The following ASCC1 variants were observed in gnomAD, a reference collection of about 807,000 sequenced individuals.
ASCC1 encodes the protein ASC-1 complex subunit P50.
In ASCC1, 35 loss-of-function variants were observed where a neutral mutation model predicts 46.6. The observed-to-expected ratio is 0.75, with a 90% confidence interval of 0.57 to 0.99. The LOEUF (loss-of-function observed/expected upper bound fraction) is 0.99. Among genes scored for constraint, ASCC1 ranks in the 50% least tolerant of loss-of-function variants. The probability of loss-of-function intolerance (pLI) is 0.00; values close to 1 mark genes in which losing one functional copy is unlikely to be tolerated. For synonymous variants in ASCC1, 143 were observed against 146.6 expected (o/e 0.98, Z 0.18); for missense variants, 376 against 428.7 (o/e 0.88, Z 1.09).
chr10:72,175,786 C>T (rs890526281), intron 5 of ASCC1, among the ~76,000 whole-genome samples: 2 of 152,186 alleles, frequency 1.3e-5, no homozygotes, highest in African/African-American at 4.8e-5. Context: ...CTAAAAACTT[C>T]ACTATTCCTC....
At chr10:72,166,195 G>A (rs944373899) in intron 5 of ASCC1, among the ~76,000 whole-genome samples, 1 of 152,074 alleles carries the variant, frequency 6.6e-6, no homozygotes, top group South Asian at 2.1e-4. Context: ...ACCACCCAGA[G>A]GCAAGTCCTT....
intron 5 of ASCC1, among the ~76,000 whole-genome samples, chr10:72,180,096 G>A (rs1302451687): frequency 6.6e-6 from 1 of 152,030 alleles, no homozygotes; most frequent in African/African-American, 2.4e-5. Flanking sequence ...GGCCAACATG[G>A]TGAAACCCCA....
intron 5 of ASCC1, among the ~76,000 whole-genome samples, chr10:72,192,399 G>C (rs1854654499): frequency 6.7e-6 from 1 of 149,822 alleles, no homozygotes; most frequent in Non-Finnish European, 1.5e-5. Context: ...AGGTTGCAGT[G>C]AGCCAAGATC....
At chr10:72,138,006 A>C (rs926517698) in intron 7 of ASCC1, among the ~76,000 whole-genome samples, 24 of 152,118 alleles carry the variant, frequency 1.6e-4, no homozygotes, top group African/African-American at 5.1e-4. Context: ...CTGGGATTAC[A>C]GGCGTGTGCC....
chr10:72,123,388 A>G (rs932777043), intron 9 of ASCC1, among the ~76,000 whole-genome samples: 1 of 152,086 alleles, frequency 6.6e-6, no homozygotes, highest in Non-Finnish European at 1.5e-5. Flanking sequence ...TGAAAAGAGG[A>G]ACTCAATAGA....
At chr10:72,131,751 C>T (rs1372328396) in intron 8 of ASCC1, among the ~76,000 whole-genome samples, 1 of 151,910 alleles carries the variant, frequency 6.6e-6, no homozygotes, top group African/African-American at 2.4e-5. Context: ...ATCTTTGGTA[C>T]ATATCTGAGA....
chr10:72,149,689 T>C (rs954324496), intron 7 of ASCC1, among the ~76,000 whole-genome samples: 3 of 152,186 alleles, frequency 2.0e-5, no homozygotes, highest in African/African-American at 4.8e-5. Flanking sequence ...ACCCTATACA[T>C]AGTACATTGT....
At chr10:72,134,916 A>T (rs1451577241) in intron 7 of ASCC1, among the ~76,000 whole-genome samples, 2 of 152,238 alleles carry the variant, frequency 1.3e-5, no homozygotes, top group Non-Finnish European at 2.9e-5. Context: ...CCTCTATCAG[A>T]GCAGTTTTGC....
intron 5 of ASCC1, chr10:72,190,561 CCACCATTAT>C (rs1854269495): frequency 7.1e-7 from 1 of 1,403,628 alleles, no homozygotes; most frequent in African/African-American, 1.4e-5. Flanking sequence ...CTCTCCAGCT[CCACCATTAT>C]CGCTAATATA....
intron 5 of ASCC1, among the ~76,000 whole-genome samples, chr10:72,192,390 G>C (rs961492546): frequency 6.6e-6 from 1 of 151,594 alleles, no homozygotes; most frequent in African/African-American, 2.4e-5. Flanking sequence ...AGGAGGCGAA[G>C]GTTGCAGTGA....
chr10:72,129,485 T>C (rs1367605371), intron 8 of ASCC1, among the ~76,000 whole-genome samples: 1 of 151,484 alleles, frequency 6.6e-6, no homozygotes, highest in African/African-American at 2.4e-5. Context: ...ACCTGGGCAA[T>C]ATAGTGAGAC....
intron 5 of ASCC1, among the ~76,000 whole-genome samples, chr10:72,195,139 G>GTTTTTTTTTTTTTTTTTTTTTTTT (rs142672810): frequency 1.6e-5 from 1 of 61,020 alleles, no homozygotes; most frequent in Non-Finnish European, 2.9e-5. Flanking sequence ...TTTTTGCTGT[G>GTTTTTTTTTTTTTTTTTTTTTTTT]TTTTTTTTTT....
chr10:72,176,240 G>A (rs188661925), intron 5 of ASCC1, among the ~76,000 whole-genome samples: 11 of 152,134 alleles, frequency 7.2e-5, no homozygotes, highest in Non-Finnish European at 1.6e-4. Flanking sequence ...ACCTGCCTTG[G>A]TGCCCAACTC....
chr10:72,175,889 G>A (rs943321892), intron 5 of ASCC1, among the ~76,000 whole-genome samples: 2 of 152,160 alleles, frequency 1.3e-5, no homozygotes, highest in Non-Finnish European at 2.9e-5. Context: ...GTTTCTGATG[G>A]GTTAACAGCG....
intron 5 of ASCC1, among the ~76,000 whole-genome samples, chr10:72,172,791 T>C (rs1851321780): frequency 7.4e-6 from 1 of 135,912 alleles, no homozygotes; most frequent in African/African-American, 2.7e-5. Flanking sequence ...TATTATATAT[T>C]ATATATTATA....
intron 5 of ASCC1, among the ~76,000 whole-genome samples, chr10:72,189,244 CAA>C (rs759800868): frequency 6.1e-5 from 8 of 131,394 alleles, no homozygotes; most frequent in Non-Finnish European, 4.9e-5. Context: ...ACTAAAAATA[CAA>C]AAAAAAAAAA....
At chr10:72,133,414 C>T (rs1350620543) in intron 7 of ASCC1, 3 of 497,820 alleles carry the variant, frequency 6.0e-6, no homozygotes, top group South Asian at 4.0e-5. Context: ...TTATGGTGAG[C>T]GTGAAGGGAG....
intron 6 of ASCC1, among the ~76,000 whole-genome samples, chr10:72,154,579 C>A (rs1306425604): frequency 6.6e-6 from 1 of 151,662 alleles, no homozygotes; most frequent in Non-Finnish European, 1.5e-5. Context: ...GCAACCTCCA[C>A]CTCCCAGGTT....
chr10:72,199,792 G>T (rs1399871402), intron 4 of ASCC1, among the ~76,000 whole-genome samples: 2 of 151,996 alleles, frequency 1.3e-5, no homozygotes, highest in Non-Finnish European at 2.9e-5. Context: ...GGAGTGCACT[G>T]GTGCGATTGG....
Sources: gnomAD v4.1 joint callset for allele counts (sites outside exome capture counted in the v4.1 genomes callset) on GRCh38, gnomAD v4.1.1 for gene constraint, MANE v1.5 for transcripts, NCBI Gene and HGNC (gene_info 2026-07-23, HGNC 2026-07-21) for gene names.